The following KIT variants were observed in gnomAD, a reference collection of about 807,000 sequenced individuals.
KIT encodes the protein mast/stem cell growth factor receptor Kit.
A neutral mutation model predicts 105.7 loss-of-function variants in KIT; 16 were observed. The observed-to-expected ratio is 0.15, with a 90% CI of 0.10 to 0.23. The LOEUF (loss-of-function observed/expected upper bound fraction) is 0.23, where lower values mean the gene tolerates loss of function less well. Among genes scored for constraint, KIT ranks in the 10% least tolerant of loss-of-function variants. The probability of loss-of-function intolerance (pLI) is 1.00; values close to 1 mark genes in which losing one functional copy is unlikely to be tolerated. For synonymous variants in KIT, 438 were observed against 441.1 expected (o/e 0.99, Z 0.09); for missense variants, 858 against 1,213.8 (o/e 0.71, Z 4.36).
chr4:54,732,018 T>TA lies in KIT; in HGVS notation c.2361+23dup. 2.5e-6 allele frequency: 4 copies of TA among 1,598,450 alleles called. No individual in the cohort carries two copies. The highest frequency in any genetic ancestry group is 2.6e-6 in the Non-Finnish European group (3 of 1,168,004). On this transcript the variant is annotated intron_variant, in intron 16 of 20. Coordinates refer to ENST00000288135, the MANE Select transcript of KIT (RefSeq NM_000222.3). ...AAGAATGTAAGTGGGAGTGATTCTCTAAAGAGTTTTGTGTTTTGTTTTTTT... is the reference window on the plus strand; with the variant it reads ...AAGAATGTAAGTGGGAGTGATTCTCTAAAAGAGTTTTGTGTTTTGTTTTTTT...
chr4:54,664,889 G>GTT (rs35585711), intron 1 of KIT, among the ~76,000 whole-genome samples: 2 of 141,130 alleles, frequency 1.4e-5, no homozygotes. Context: ...CACCTGGCCT[G>GTT]TTTTTTTTTT....
At chr4:54,670,132 C>T (rs528355138) in intron 1 of KIT, among the ~76,000 whole-genome samples, 3 of 152,238 alleles carry the variant, frequency 2.0e-5, no homozygotes, top group Admixed American at 2.0e-4. Flanking sequence ...CTTTCAGGAC[C>T]TTTGGAGCCT....
chr4:54,660,512 T>C (rs546050442), intron 1 of KIT, among the ~76,000 whole-genome samples: 1 of 152,356 alleles, frequency 6.6e-6, no homozygotes, highest in Admixed American at 6.5e-5. Flanking sequence ...TTTTTTCTCA[T>C]GACTCTGTAA....
Position 54,738,561 on chromosome 4 carries a change from G to T in KIT, c.*4G>T. The stretch of plus-strand genomic sequence containing the variant: ...GCTTGTGCACGACGATGTCTGAGCA[G>T]AATCAGTGTTTGGGTCACCCCTCCA... On this transcript the variant is annotated 3_prime_UTR_variant, in exon 21 of 21. Coordinates refer to ENST00000288135, the MANE Select transcript of KIT (RefSeq NM_000222.3). The T allele has an allele frequency of 6.2e-7, 1 of 1,613,868 alleles. No individual in the cohort carries two copies. Among genetic ancestry groups the T allele is most frequent in the African/African-American group, 1.3e-5 (1 of 75,036 alleles).
chr4:54,715,173 G>T (rs1721400524), intron 7 of KIT, among the ~76,000 whole-genome samples: 1 of 152,128 alleles, frequency 6.6e-6, no homozygotes, highest in African/African-American at 2.4e-5. Context: ...TTCTCGATGA[G>T]AAAGATCCCC....
At position 54,709,557 on chromosome 4, in the gene KIT, C is replaced by T; in HGVS notation, c.1231+18C>T. The T allele has an allele frequency of 6.9e-7, 1 of 1,451,280 alleles. No homozygotes were observed. Among genetic ancestry groups the T allele is most frequent in the Non-Finnish European group, 9.7e-7 (1 of 1,031,596 alleles). The allele number at this position is 1,451,280 out of a possible 1,614,324, so 89.9% of individuals were successfully genotyped here. On this transcript the variant is annotated intron_variant, in intron 7 of 20. Transcript: ENST00000288135. ...TGTGAATAGTAAGTAACATGAAGGGCTCCTTTTAATTTTTTATTCTTTTAA... is the reference window on the plus strand; with the variant it reads ...TGTGAATAGTAAGTAACATGAAGGGTTCCTTTTAATTTTTTATTCTTTTAA...
At chr4:54,696,413 G>A (rs1004680494) in intron 2 of KIT, among the ~76,000 whole-genome samples, 5 of 152,102 alleles carry the variant, frequency 3.3e-5, no homozygotes, top group African/African-American at 1.2e-4. Context: ...AAGCATGCTG[G>A]GCAGGGGTGT....
chr4:54,695,444 T>G (rs1295597224), intron 1 of KIT, 68 bp from the exon 2 acceptor site: 1 of 1,538,948 alleles, frequency 6.5e-7, no homozygotes, highest in African/African-American at 1.4e-5. Flanking sequence ...GAACTCAGTA[T>G]TGGAAGAAGT....
chr4:54,660,825 G>GT (rs1328938392), intron 1 of KIT, among the ~76,000 whole-genome samples: 1 of 152,140 alleles, frequency 6.6e-6, no homozygotes, highest in Non-Finnish European at 1.5e-5. Flanking sequence ...AGAATCTGTT[G>GT]TAAGACTCAT....
intron 1 of KIT, among the ~76,000 whole-genome samples, chr4:54,675,011 T>TC (rs1325938452): frequency 6.6e-6 from 1 of 152,118 alleles, no homozygotes; most frequent in East Asian, 1.9e-4. Context: ...TCTGATTTTT[T>TC]CCCCCACTGA....
At position 54,739,443 on chromosome 4, in the gene KIT, TATTCTGTAG is replaced by T; in HGVS notation, c.*894_*902del. 1 of 233,314 alleles carries T rather than the reference TATTCTGTAG, an allele frequency of 4.3e-6. No homozygotes were observed. The highest frequency in any genetic ancestry group is 1.8e-4 in the South Asian group (1 of 5,536). 14.5% of individuals were successfully genotyped at this position (233,314 alleles called of 1,614,324 possible). ...AATCTCCTCTTTTAGCTGATGAACT[TATTCTGTAG>T]ATTCTGTGGAACAAGCCTATCAGCT... On this transcript the variant is annotated 3_prime_UTR_variant, in exon 21 of 21. Transcript: ENST00000288135.
intron 1 of KIT, among the ~76,000 whole-genome samples, chr4:54,679,362 C>T (rs898772360): frequency 6.6e-6 from 1 of 152,130 alleles, no homozygotes; most frequent in Non-Finnish European, 1.5e-5. Flanking sequence ...AGTCTATCTG[C>T]AGAACAGTTA....
intron 5 of KIT, among the ~76,000 whole-genome samples, chr4:54,706,774 C>G (rs1720818267): frequency 6.6e-6 from 1 of 152,120 alleles, no homozygotes; most frequent in Non-Finnish European, 1.5e-5. Flanking sequence ...TGTATGAACT[C>G]ACTATTTATT....
In KIT at chr4:54,695,773, T is replaced by G; in HGVS notation, c.329T>G (p.Phe110Cys). The G allele has an allele frequency of 6.2e-7, 1 of 1,614,222 alleles. No homozygotes were observed. Among genetic ancestry groups the G allele is most frequent in the Non-Finnish European group, 8.5e-7 (1 of 1,180,032 alleles). ...KHGLSNSIYVFVRDPAKLFLV... is the reference protein window; with the variant it reads ...KHGLSNSIYVCVRDPAKLFLV... ...GGCTTAAGCAATTCCATTTATGTGT[T>G]TGTTAGAGGTAAATGCTTGGCTTTC... The change falls in exon 2 of 21, where the codon TTT becomes TGT. Residue 110 changes from phenylalanine to cysteine, a missense_variant. Around this residue, in one of 7 missense-constraint regions of KIT, gnomAD observed 401 missense variants for 601.0 expected, o/e 0.67. Transcript: ENST00000288135.
chr4:54,682,983 C>T (rs960555527), intron 1 of KIT, among the ~76,000 whole-genome samples: 2 of 151,886 alleles, frequency 1.3e-5, no homozygotes, highest in Non-Finnish European at 2.9e-5. Flanking sequence ...AACTCCTGGT[C>T]TCAAGTGATC....
At chr4:54,724,181 C>T (rs1354358498) in intron 8 of KIT, among the ~76,000 whole-genome samples, 1 of 152,148 alleles carries the variant, frequency 6.6e-6, no homozygotes, top group Non-Finnish European at 1.5e-5. Context: ...TGTGCCCAGC[C>T]CCTGAACAGA....
chr4:54,663,467 C>T (rs967253498), intron 1 of KIT, among the ~76,000 whole-genome samples: 3 of 151,974 alleles, frequency 2.0e-5, no homozygotes, highest in Admixed American at 6.6e-5. Flanking sequence ...GTTCCCCTTT[C>T]AGCTTTGCCT....
chr4:54,703,985 C>T, intron 5 of KIT, 93 bp downstream of exon 5: 1 of 1,059,540 alleles, frequency 9.4e-7, no homozygotes. Flanking sequence ...GAATGTTGAA[C>T]AGATTCTTAG....
At chr4:54,698,744 G>A (rs938899399) in intron 3 of KIT, among the ~76,000 whole-genome samples, 179 bp downstream of exon 3, 6 of 152,226 alleles carry the variant, frequency 3.9e-5, no homozygotes, top group African/African-American at 1.4e-4. Flanking sequence ...CTGACCCCGT[G>A]TGGCAGTTCC....
Sources: allele counts gnomAD v4.1 joint callset (sites outside exome capture counted in the v4.1 genomes callset), GRCh38; gene constraint gnomAD v4.1.1; regional missense constraint gnomAD v4.1.1; transcripts MANE v1.5; gene names NCBI Gene and HGNC (gene_info 2026-07-23, HGNC 2026-07-21).